SOWAHC: variants seen among roughly 807,000 people sequenced by gnomAD.
The protein encoded by SOWAHC is ankyrin repeat domain-containing protein SOWAHC.
In SOWAHC, 12 loss-of-function variants were observed where a neutral mutation model predicts 14.4. The observed-to-expected ratio is 0.83, with a 90% CI of 0.53 to 1.35. The LOEUF is 1.35. Among genes scored for constraint, SOWAHC ranks in the 40% most tolerant of loss-of-function variants. SOWAHC has a pLI of 0.00. For synonymous variants in SOWAHC, 398 were observed against 347.0 expected, an observed-to-expected ratio of 1.15 and a Z score of -1.63; for missense variants, 771 against 752.8, an observed-to-expected ratio of 1.02 and a Z score of -0.28.
Position 109,618,857 on chromosome 2 carries a change from T to C in SOWAHC, c.*2790T>C, listed in dbSNP as rs1456685772. 1 of 167,110 alleles carries C rather than the reference T, an allele frequency of 6.0e-6. No homozygotes were observed. The highest frequency in any genetic ancestry group is 1.5e-5 in the Non-Finnish European group (1 of 68,120). The allele number at this position is 167,110 out of a possible 1,614,324, so 10.4% of individuals were successfully genotyped here. On this transcript the variant is annotated 3_prime_UTR_variant, in exon 1 of 1. Transcript: ENST00000356454. ...AGTTTGCATATATAACTTGAATATC[T>C]GGTACTAGTTTTTTCACGCCTGCAA...
In SOWAHC at chr2:109,615,615, A is replaced by G. The variant is rs1208719856; in HGVS notation, c.1126A>G (p.Lys376Glu). ...TGTGGACATCAGGGACTACAGTGGG[A>G]AAAAGGCCTCCCAGTACCTGAGTCG... ...ADVDIRDYSGKKASQYLSRSI... is the reference protein window; with the variant it reads ...ADVDIRDYSGEKASQYLSRSI... The change falls in exon 1 of 1, where the codon AAA (lysine) becomes GAA (glutamate). Residue 376 changes from lysine (K) to glutamate (E), a missense_variant. Lys to Glu is a moderately conservative substitution (Grantham distance 56). Coordinates refer to ENST00000356454, the MANE Select transcript of SOWAHC (RefSeq NM_023016.4). 1 of 1,613,474 alleles carries G rather than the reference A, an allele frequency of 6.2e-7. No homozygotes were observed. The highest frequency in any genetic ancestry group is 8.5e-7 in the Non-Finnish European group (1 of 1,179,652).
chr2:109,616,377 C>G lies in SOWAHC; in HGVS notation c.*310C>G. ...TGAATGAATTAATGAATGAGAGTTC[C>G]TTTGCTTTAACCATTCCTGGATGCC... On this transcript the variant is annotated 3_prime_UTR_variant, in exon 1 of 1. Transcript: ENST00000356454. The G allele has an allele frequency of 4.5e-6, 1 of 220,144 alleles. No individual in the cohort carries two copies. The allele number at this position is 220,144 out of a possible 1,614,324, so 13.6% of individuals were successfully genotyped here.
rs1411667394 is a variant in SOWAHC, at chr2:109,615,984, G to C, written c.1495G>C (p.Gly499Arg). ...RDPEQPLEGRGEEGVGEERPV... is the reference protein window; with the variant it reads ...RDPEQPLEGRREEGVGEERPV... ...CCCAGAGCAGCCGCTGGAGGGCAGGGGGGAGGAGGGAGTGGGGGAGGAACG... is the reference window on the plus strand; with the variant it reads ...CCCAGAGCAGCCGCTGGAGGGCAGGCGGGAGGAGGGAGTGGGGGAGGAACG... Residue 499 changes from glycine to arginine, a missense_variant, in exon 1 of 1, where the codon GGG becomes CGG. Coordinates refer to ENST00000356454, the MANE Select transcript of SOWAHC (RefSeq NM_023016.4). 18 of 1,555,766 alleles carry C rather than the reference G, an allele frequency of 1.2e-5. No homozygotes were observed. Among genetic ancestry groups the C allele is most frequent in the Non-Finnish European group, 1.5e-5 (17 of 1,154,096 alleles).
At position 109,614,388 on chromosome 2, in the gene SOWAHC, G is replaced by T. The variant is rs913672090; in HGVS notation, c.-102G>T. On this transcript the variant is annotated 5_prime_UTR_variant, in exon 1 of 1. Coordinates refer to ENST00000356454, the MANE Select transcript of SOWAHC (RefSeq NM_023016.4). ...CAGACGCGTAGGCTGGCAGCCCGCTGAGCCCGCCAGACTCCGCCGCCGTCG... is the reference window on the plus strand; with the variant it reads ...CAGACGCGTAGGCTGGCAGCCCGCTTAGCCCGCCAGACTCCGCCGCCGTCG... 34 of 940,544 alleles carry T rather than the reference G, an allele frequency of 3.6e-5. No individual in the cohort carries two copies. The highest frequency in any genetic ancestry group is 4.5e-5 in the Non-Finnish European group (33 of 733,232). 58.3% of individuals were successfully genotyped at this position (940,544 alleles called of 1,614,324 possible).
In SOWAHC at chr2:109,615,090, GCCCGCCAGAAC is replaced by G; in HGVS notation, c.603_613del (p.Arg202ProfsTer2). The stretch of plus-strand genomic sequence containing the variant: ...TGTGGGGGCTACCGCACAGAGGCCG[GCCCGCCAGAAC>G]CTCCGTGACCTGGTGATGGGCAGCT... On this transcript the variant is annotated frameshift_variant, in exon 1 of 1. Transcript: ENST00000356454. LOFTEE classifies it low-confidence loss of function (END_TRUNC). 1 of 1,549,580 alleles carries G rather than the reference GCCCGCCAGAAC, an allele frequency of 6.5e-7. No individual in the cohort carries two copies. The highest frequency in any genetic ancestry group is 8.7e-7 in the Non-Finnish European group (1 of 1,146,776).
At position 109,615,789 on chromosome 2, in the gene SOWAHC, G is replaced by A. The variant is rs1375573855; in HGVS notation, c.1300G>A (p.Asp434Asn). 1.2e-6 allele frequency: 2 copies of A among 1,614,030 alleles called. No homozygotes were observed. Among genetic ancestry groups the A allele is most frequent in the Non-Finnish European group, 1.7e-6 (2 of 1,180,050 alleles). Residue 434 changes from aspartate to asparagine, a missense_variant, in exon 1 of 1, where the codon GAT (aspartate) becomes AAT (asparagine). Transcript: ENST00000356454. ...CTACAAACTCTCACACGCCCTAGAA[G>A]ATGGAGGGGACCATCACCACCATCA... The part of the protein sequence containing the change: ...ITYKLSHALE[D>N]GGDHHHHHHS...
Position 109,614,576 on chromosome 2 carries a change from C to T in SOWAHC, c.87C>T (p.Ala29=). The T allele has an allele frequency of 7.2e-7, 1 of 1,392,240 alleles. No homozygotes were observed. Among genetic ancestry groups the T allele is most frequent in the Non-Finnish European group, 9.3e-7 (1 of 1,076,132 alleles). The allele number at this position is 1,392,240 out of a possible 1,614,324, so 86.2% of individuals were successfully genotyped here. The change falls in exon 1 of 1, where the codon GCC becomes GCT. Residue 29 remains alanine, a synonymous_variant. Coordinates refer to ENST00000356454, the MANE Select transcript of SOWAHC (RefSeq NM_023016.4). ...TCCTGGCGGAGCGCGGGGGCCGGGC[C>T]CTGCACGCCGAGCTGGTGCAGCACT... is the stretch of plus-strand genomic sequence containing the variant. ...LRFLAERGGR[A]LHAELVQHFR...
In SOWAHC at chr2:109,618,130, T is replaced by C. The variant is rs1293179301; in HGVS notation, c.*2063T>C. 6.0e-6 allele frequency: 1 copy of C among 167,104 alleles called. No homozygotes were observed. The highest frequency in any genetic ancestry group is 1.5e-5 in the Non-Finnish European group (1 of 68,118). 10.4% of individuals were successfully genotyped at this position (167,104 alleles called of 1,614,324 possible). A position where few individuals can be genotyped will look rare whatever the true frequency, so the allele number is the denominator to read the frequency against. ...ACGGTGTAAATTTGAGAAGCACTTA[T>C]GCATACATGTGGGTGAAAAACCAAT... On this transcript the variant is annotated 3_prime_UTR_variant, in exon 1 of 1. Coordinates refer to ENST00000356454, the MANE Select transcript of SOWAHC (RefSeq NM_023016.4).
chr2:109,615,790 A>G lies in SOWAHC; in HGVS notation c.1301A>G (p.Asp434Gly). The G allele has an allele frequency of 6.2e-7, 1 of 1,614,090 alleles. No homozygotes were observed. The highest frequency in any genetic ancestry group is 8.5e-7 in the Non-Finnish European group (1 of 1,180,032). The change falls in exon 1 of 1, where the codon GAT becomes GGT. Residue 434 changes from aspartate to glycine, a missense_variant. By Grantham distance (94) the Asp-to-Gly change is moderately conservative. Coordinates refer to ENST00000356454, the MANE Select transcript of SOWAHC (RefSeq NM_023016.4). ...ITYKLSHALE[D>G]GGDHHHHHHS... is the part of the protein sequence containing the mutation. ...TACAAACTCTCACACGCCCTAGAAGATGGAGGGGACCATCACCACCATCAC... is the reference window on the plus strand; with the variant it reads ...TACAAACTCTCACACGCCCTAGAAGGTGGAGGGGACCATCACCACCATCAC...
Position 109,618,849 on chromosome 2 carries a change from T to G in SOWAHC, c.*2782T>G, listed in dbSNP as rs1178280928. On this transcript the variant is annotated 3_prime_UTR_variant, in exon 1 of 1. Coordinates refer to ENST00000356454, the MANE Select transcript of SOWAHC (RefSeq NM_023016.4). ...TAAAATGCAGTTTGCATATATAACT[T>G]GAATATCTGGTACTAGTTTTTTCAC... is the stretch of plus-strand genomic sequence containing the variant. The G allele has an allele frequency of 6.0e-6, 1 of 167,046 alleles. No individual in the cohort carries two copies. The highest frequency in any genetic ancestry group is 2.4e-5 in the African/African-American group (1 of 41,452). 10.3% of individuals were successfully genotyped at this position (167,046 alleles called of 1,614,324 possible).
At position 109,615,061 on chromosome 2, in the gene SOWAHC, C is replaced by G. The variant is rs1014286848; in HGVS notation, c.572C>G (p.Ser191Cys). ...TGCGAGGAGGCGGACAGGGGCAGCT[C>G]CCTTGTGGGGGCTACCGCACAGAGG... is the stretch of plus-strand genomic sequence containing the variant. The part of the protein sequence containing the change: ...HGCEEADRGS[S>C]LVGATAQRPA... Residue 191 changes from serine to cysteine, a missense_variant, in exon 1 of 1, where the codon TCC becomes TGC. Ser to Cys is a moderately radical substitution (Grantham distance 112). Coordinates refer to ENST00000356454, the MANE Select transcript of SOWAHC (RefSeq NM_023016.4). 19 of 1,549,310 alleles carry G rather than the reference C, an allele frequency of 1.2e-5. No individual in the cohort carries two copies. The highest frequency in any genetic ancestry group is 1.6e-5 in the Non-Finnish European group (18 of 1,146,742).
rs1699982627 is a variant in SOWAHC at position 109,614,384 on chromosome 2, C to T, written c.-106C>T. The T allele has an allele frequency of 2.2e-6, 2 of 912,074 alleles. No individual in the cohort carries two copies. The highest frequency in any genetic ancestry group is 1.4e-6 in the Non-Finnish European group (1 of 707,394). The allele number at this position is 912,074 out of a possible 1,614,324, so 56.5% of individuals were successfully genotyped here. A position where few individuals can be genotyped will look rare whatever the true frequency, so the allele number is the denominator to read the frequency against. ...GCCTCAGACGCGTAGGCTGGCAGCC[C>T]GCTGAGCCCGCCAGACTCCGCCGCC... is the stretch of plus-strand genomic sequence containing the variant. On this transcript the variant is annotated 5_prime_UTR_variant, in exon 1 of 1. Coordinates refer to ENST00000356454, the MANE Select transcript of SOWAHC (RefSeq NM_023016.4).
Position 109,615,252 on chromosome 2 carries a change from G to A in SOWAHC, c.763G>A (p.Glu255Lys). ...GGTGGCCTCGTCGTCCGCGGAGGAG[G>A]AGAGCAGCGGCGGAGGCTCCGTGAC... ...ASVASSSAEE[E>K]SSGGGSVTLD... Residue 255 changes from glutamate to lysine, a missense_variant, in exon 1 of 1, where the codon GAG becomes AAG. Coordinates refer to ENST00000356454, the MANE Select transcript of SOWAHC (RefSeq NM_023016.4). 1 of 1,557,538 alleles carries A rather than the reference G, an allele frequency of 6.4e-7. No homozygotes were observed. The highest frequency in any genetic ancestry group is 8.7e-7 in the Non-Finnish European group (1 of 1,151,900).
Position 109,616,248 on chromosome 2 carries a change from G to T in SOWAHC, c.*181G>T, listed in dbSNP as rs1326921050. ...CTGGGAAAAGTGGATGTCTTTTTCA[G>T]AGATTCATCATACCTTGACCTGTAC... On this transcript the variant is annotated 3_prime_UTR_variant, in exon 1 of 1. Transcript: ENST00000356454. 54 of 978,984 alleles carry T rather than the reference G, an allele frequency of 5.5e-5. No individual in the cohort carries two copies. Among genetic ancestry groups the T allele is most frequent in the Non-Finnish European group, 7.4e-5 (54 of 728,550 alleles). 60.6% of individuals were successfully genotyped at this position (978,984 alleles called of 1,614,324 possible).
rs1207294930 is a variant in SOWAHC, at chr2:109,615,934, T to C, written c.1445T>C (p.Val482Ala). The part of the protein sequence containing the change: ...LNKIRFRTQI[V>A]HTTPSFRDPE... ...AAAATCCGATTCAGAACCCAGATCG[T>C]CCACACCACACCCTCTTTCAGGGAC... Residue 482 changes from valine to alanine, a missense_variant, in exon 1 of 1, where the codon GTC becomes GCC. By Grantham distance (64) the Val-to-Ala change is moderately conservative. Coordinates refer to ENST00000356454, the MANE Select transcript of SOWAHC (RefSeq NM_023016.4). 2 of 1,604,106 alleles carry C rather than the reference T, an allele frequency of 1.2e-6. No homozygotes were observed. The highest frequency in any genetic ancestry group is 1.7e-6 in the Non-Finnish European group (2 of 1,175,350).
In SOWAHC at chr2:109,615,403, G is replaced by A; in HGVS notation, c.914G>A (p.Cys305Tyr). 1 of 1,613,062 alleles carries A rather than the reference G, an allele frequency of 6.2e-7. No individual in the cohort carries two copies. The highest frequency in any genetic ancestry group is 8.5e-7 in the Non-Finnish European group (1 of 1,180,030). The change falls in exon 1 of 1, where the codon TGC (cysteine) becomes TAC (tyrosine). Residue 305 changes from cysteine to tyrosine, a missense_variant. By Grantham distance (194) the Cys-to-Tyr change is radical (BLOSUM62 -2). Transcript: ENST00000356454. ...CGGGACTTCATTACCGGCTTCACTT[G>A]CCTGCACTGGGCCGCCAAGCACGGC... Reference protein sequence around the residue: ...VKRDFITGFTCLHWAAKHGRQ... With the variant: ...VKRDFITGFTYLHWAAKHGRQ...
chr2:109,615,651 G>A lies in SOWAHC; in HGVS notation c.1162G>A (p.Glu388Lys), dbSNP rs759912093. The change falls in exon 1 of 1, where the codon GAG (glutamate) becomes AAG (lysine). Residue 388 changes from glutamate to lysine, a missense_variant. Glu to Lys is a moderately conservative substitution (Grantham distance 56). Coordinates refer to ENST00000356454, the MANE Select transcript of SOWAHC (RefSeq NM_023016.4). ...CCAGTACCTGAGTCGGAGCATCGCC[G>A]AGGAGATCAAGAACCTGGTGGGAGC... is the stretch of plus-strand genomic sequence containing the variant. ...ASQYLSRSIA[E>K]EIKNLVGALD... The A allele has an allele frequency of 2.5e-6, 4 of 1,613,724 alleles. No homozygotes were observed. Among genetic ancestry groups the A allele is most frequent in the South Asian group, 1.1e-5 (1 of 91,076 alleles).
At position 109,615,444 on chromosome 2, in the gene SOWAHC, G is replaced by T. The variant is rs966397614; in HGVS notation, c.955G>T (p.Ala319Ser). ...CAAGCACGGCAGGCAGGAGCTTCTG[G>T]CCATGCTAGTCAACTTCGCCAACAA... ...AAKHGRQELL[A>S]MLVNFANKHQ... Residue 319 changes from alanine to serine, a missense_variant, in exon 1 of 1, where the codon GCC becomes TCC. Transcript: ENST00000356454. The T allele has an allele frequency of 5.0e-6, 8 of 1,613,050 alleles. No homozygotes were observed. The Admixed American group carries it at 6.7e-5, about 13-fold the overall frequency.
At position 109,614,475 on chromosome 2, in the gene SOWAHC, G is replaced by C. The variant is rs1026988809; in HGVS notation, c.-15G>C. 8.2e-6 allele frequency: 10 copies of C among 1,221,990 alleles called. No homozygotes were observed. Among genetic ancestry groups the C allele is most frequent in the Non-Finnish European group, 1.0e-5 (10 of 982,330 alleles). The allele number at this position is 1,221,990 out of a possible 1,614,324, so 75.7% of individuals were successfully genotyped here. On this transcript the variant is annotated 5_prime_UTR_variant, in exon 1 of 1. Coordinates refer to ENST00000356454, the MANE Select transcript of SOWAHC (RefSeq NM_023016.4). ...CGCTGAGCCGCCCGCTGGCGGGGGA[G>C]CAGCGCGGTCGAGGATGGAGGGGCC... is the stretch of plus-strand genomic sequence containing the variant.
Sources: allele counts gnomAD v4.1 joint callset, GRCh38; gene constraint gnomAD v4.1.1; transcripts MANE v1.5; gene names NCBI Gene and HGNC (gene_info 2026-07-23, HGNC 2026-07-21).